Variants in CDH7 observed in about 807,000 individuals in gnomAD.
The protein encoded by CDH7 is cadherin-7.
CDH7 carries 25 observed loss-of-function variants against 71.8 expected under a neutral mutation model. The observed-to-expected ratio is 0.35, with a 90% confidence interval of 0.25 to 0.49. The LOEUF is 0.49. Among genes scored for constraint, CDH7 ranks in the 20% least tolerant of loss-of-function variants. CDH7 has a pLI of 0.99. For synonymous variants in CDH7, 381 were observed against 363.8 expected, an observed-to-expected ratio of 1.05 and a Z score of -0.54; for missense variants, 862 against 974.6, an observed-to-expected ratio of 0.88 and a Z score of 1.54.
intron 11 of CDH7, among the ~76,000 whole-genome samples, chr18:65,874,689 T>C (rs1914023137): frequency 6.6e-6 from 1 of 151,772 alleles, no homozygotes; most frequent in African/African-American, 2.4e-5. Context: ...AAAATTCAAA[T>C]ATGCATATTT....
At chr18:65,825,621 A>T (rs1221366436) in intron 6 of CDH7, among the ~76,000 whole-genome samples, 1 of 151,850 alleles carries the variant, frequency 6.6e-6, no homozygotes, top group Admixed American at 6.6e-5. Context: ...GACCCCTAAG[A>T]TACGAAATTT....
intron 7 of CDH7, among the ~76,000 whole-genome samples, chr18:65,853,505 T>C (rs1277497960): frequency 6.6e-6 from 1 of 152,136 alleles, no homozygotes; most frequent in Non-Finnish European, 1.5e-5. Context: ...CAAGTGACTT[T>C]ATACATTAGC....
Position 65,856,890 on chromosome 18 carries a change from G to GA in CDH7, c.1236-920dup, listed in dbSNP as rs572304829. On this transcript the variant is annotated intron_variant, in intron 7 of 11. Transcript: ENST00000397968. The stretch of plus-strand genomic sequence containing the variant: ...AGTGGAGTAGTAATTTTTCACTGCT[G>GA]AAAAAATGTTTGGATTACAGATATT... 3.0e-3 allele frequency among the ~76,000 whole-genome samples: 456 copies of GA among 151,854 alleles called. 6 individuals are homozygous for GA. The highest frequency in any genetic ancestry group is 5.3e-3 in the African/African-American group (220 of 41,424).
intron 2 of CDH7, among the ~76,000 whole-genome samples, chr18:65,781,875 TC>T: frequency 8.6e-6 from 1 of 116,550 alleles, no homozygotes; most frequent in Non-Finnish European, 1.7e-5. Context: ...TCTCTCTCTC[TC>T]TCTGTCTCTC....
intron 2 of CDH7, among the ~76,000 whole-genome samples, chr18:65,781,980 CTCTCTCTTTCTCTCTT>C (rs1289756656): frequency 2.8e-5 from 2 of 70,912 alleles, no homozygotes; most frequent in Admixed American, 2.4e-4. Flanking sequence ...CTCTCTCTCT[CTCTCTCTTTCTCTCTT>C]TCTCTCTTTC....
At chr18:65,752,869 C>A (rs1018940669) in intron 1 of CDH7, among the ~76,000 whole-genome samples, 3 of 152,186 alleles carry the variant, frequency 2.0e-5, no homozygotes, top group African/African-American at 7.2e-5. Context: ...AATAAAAGGG[C>A]ATTGTGCACT....
chr18:65,763,754 T>C (rs1276787216), intron 2 of CDH7, among the ~76,000 whole-genome samples: 1 of 152,054 alleles, frequency 6.6e-6, no homozygotes, highest in Non-Finnish European at 1.5e-5. Context: ...AAGTGTTAGC[T>C]GGATGGACAT....
At chr18:65,782,111 T>TTCCTTCC (rs1568182531) in intron 2 of CDH7, among the ~76,000 whole-genome samples, 6 of 23,862 alleles carry the variant, frequency 2.5e-4, no homozygotes, top group South Asian at 2.1e-3. Context: ...TCCTTCCTTC[T>TTCCTTCC]TTCTTTCTTT....
At chr18:65,845,170 A>T (rs1912892023) in intron 7 of CDH7, among the ~76,000 whole-genome samples, 1 of 149,232 alleles carries the variant, frequency 6.7e-6, no homozygotes, top group Admixed American at 6.6e-5. Flanking sequence ...ATTTTAAAGT[A>T]GTATATATAC....
At chr18:65,829,294 A>G (rs1912247631) in intron 6 of CDH7, among the ~76,000 whole-genome samples, 2 of 151,698 alleles carry the variant, frequency 1.3e-5, no homozygotes, top group African/African-American at 2.4e-5. Context: ...TAATTTTTGT[A>G]TTTTTAGTAG....
chr18:65,836,185 A>G (rs1021370074), intron 6 of CDH7, among the ~76,000 whole-genome samples: 6 of 152,170 alleles, frequency 3.9e-5, no homozygotes, highest in Non-Finnish European at 7.3e-5. Flanking sequence ...TAAAGCAACA[A>G]ATTTCTTTTT....
At chr18:65,761,928 A>T (rs887759671) in intron 1 of CDH7, among the ~76,000 whole-genome samples, 1 of 152,196 alleles carries the variant, frequency 6.6e-6, no homozygotes, top group African/African-American at 2.4e-5. Flanking sequence ...AGGCCCTACT[A>T]TGCACAACTC....
At chr18:65,833,086 C>G (rs981365791) in intron 6 of CDH7, among the ~76,000 whole-genome samples, 1 of 152,108 alleles carries the variant, frequency 6.6e-6, no homozygotes, top group African/African-American at 2.4e-5. Context: ...AAAATATGCT[C>G]ATATCCATAC....
chr18:65,874,885 A>G (rs1446562278), intron 11 of CDH7, among the ~76,000 whole-genome samples: 4 of 152,146 alleles, frequency 2.6e-5, no homozygotes, highest in Non-Finnish European at 5.9e-5. Flanking sequence ...TTGCAAGCAC[A>G]GAACATCCAG....
rs557006442 is a variant in CDH7 at position 65,826,193 on chromosome 18, A to G, written c.981+1362A>G. 4.0e-5 allele frequency among the ~76,000 whole-genome samples: 6 copies of G among 151,534 alleles called. No individual in the cohort carries two copies. The East Asian group carries it at 1.2e-3, about 29-fold the overall frequency. Reference sequence around the variant, plus strand: ...CCTAGATTAAAAATTATGTCATCTAAAAGCATAAAACTCATTAAAAAATTG... The same window carrying G: ...CCTAGATTAAAAATTATGTCATCTAGAAGCATAAAACTCATTAAAAAATTG... On this transcript the variant is annotated intron_variant, in intron 6 of 11. Transcript: ENST00000397968.
At chr18:65,777,078 A>G (rs981241137) in intron 2 of CDH7, among the ~76,000 whole-genome samples, 2 of 152,130 alleles carry the variant, frequency 1.3e-5, no homozygotes. Context: ...CTAACAAATC[A>G]GTTTGGGTAG....
In CDH7 at chr18:65,860,353, C is replaced by G. The variant is rs138278724; in HGVS notation, c.1612+528C>G. On this transcript the variant is annotated intron_variant, in intron 10 of 11. Transcript: ENST00000397968. ...CTAAGAAATATAATGTTAAAAATAACAAAACTCCCTCTCGTGTCAAATTGT... is the reference window on the plus strand; with the variant it reads ...CTAAGAAATATAATGTTAAAAATAAGAAAACTCCCTCTCGTGTCAAATTGT... Among the ~76,000 whole-genome samples, 200 of 152,024 alleles carry G rather than the reference C, an allele frequency of 1.3e-3. 1 individual carries two copies. Among genetic ancestry groups the G allele is most frequent in the African/African-American group, 4.5e-3 (188 of 41,480 alleles).
At chr18:65,838,395 G>T (rs1311629650) in intron 6 of CDH7, among the ~76,000 whole-genome samples, 1 of 152,270 alleles carries the variant, frequency 6.6e-6, no homozygotes, top group Non-Finnish European at 1.5e-5. Context: ...AAAACAGCTA[G>T]AATCTCCAGA....
intron 10 of CDH7, among the ~76,000 whole-genome samples, chr18:65,860,070 T>A (rs942023747): frequency 3.9e-5 from 6 of 152,206 alleles, no homozygotes; most frequent in African/African-American, 9.6e-5. Flanking sequence ...TCTTTTCTTA[T>A]AAGCACTCGT....
Sources: gnomAD v4.1 joint callset for allele counts (sites outside exome capture counted in the v4.1 genomes callset) on GRCh38, gnomAD v4.1.1 for gene constraint, MANE v1.5 for transcripts, NCBI Gene and HGNC (gene_info 2026-07-23, HGNC 2026-07-21) for gene names.